KIF16B: variants seen among roughly 807,000 people sequenced by gnomAD.
The protein encoded by KIF16B is kinesin-like protein KIF16B.
Under a neutral mutation model 156.3 loss-of-function variants are expected in KIF16B, and 98 were observed. The ratio of observed to expected loss-of-function variants is 0.63; its 90% CI spans 0.53 to 0.74. KIF16B has a LOEUF of 0.74. Among genes scored for constraint, KIF16B ranks in the 30% least tolerant of loss-of-function variants. The pLI is 0.00. For synonymous variants in KIF16B, 564 were observed against 583.7 expected, an observed-to-expected ratio of 0.97 and a Z score of 0.49; for missense variants, 1,421 against 1,606.5, an observed-to-expected ratio of 0.88 and a Z score of 1.97.
At chr20:16,435,942 T>C (rs2066630642) in intron 12 of KIF16B, among the ~76,000 whole-genome samples, 1 of 152,218 alleles carries the variant, frequency 6.6e-6, no homozygotes, top group African/African-American at 2.4e-5. Context: ...TGAATTCATG[T>C]TTCTCATTCA....
intron 1 of KIF16B, among the ~76,000 whole-genome samples, chr20:16,572,823 T>C (rs1366991562): frequency 6.6e-6 from 1 of 152,192 alleles, no homozygotes; most frequent in Non-Finnish European, 1.5e-5. Flanking sequence ...AAAAGTAGCA[T>C]GGTTAATTGT....
At chr20:16,367,002 A>G (rs2123251044) in intron 22 of KIF16B, 1 of 1,321,710 alleles carries the variant, frequency 7.6e-7, no homozygotes, top group African/African-American at 1.5e-5. Context: ...AAATATTTAC[A>G]TTTTCAATTT....
chr20:16,516,866 C>T (rs986433672), intron 3 of KIF16B, among the ~76,000 whole-genome samples: 4 of 152,182 alleles, frequency 2.6e-5, no homozygotes, highest in African/African-American at 9.7e-5. Flanking sequence ...AATCCATATT[C>T]TTCTAAACTC....
In KIF16B at chr20:16,571,162, C is replaced by T. The variant is rs895719078; in HGVS notation, c.47+2067G>A. 3.3e-5 allele frequency among the ~76,000 whole-genome samples: 5 copies of T among 152,134 alleles called. No individual in the cohort carries two copies. The East Asian group carries it at 7.7e-4, about 23-fold the overall frequency. On this transcript the variant is annotated intron_variant, in intron 1 of 25. Transcript: ENST00000354981. ...GTCCACCTTCCTCAAACCTGTTCAC[C>T]TCCTTCAGCATCAAACCTCAGTTAA... is the stretch of plus-strand genomic sequence containing the variant.
chr20:16,462,268 T>A (rs758415004), intron 12 of KIF16B, among the ~76,000 whole-genome samples: 1 of 151,986 alleles, frequency 6.6e-6, no homozygotes, highest in Non-Finnish European at 1.5e-5. Flanking sequence ...GATCTTCAAC[T>A]TCCATATGTA....
intron 1 of KIF16B, among the ~76,000 whole-genome samples, chr20:16,544,157 AC>A (rs768535222): frequency 8.8e-4 from 133 of 151,938 alleles, no homozygotes; most frequent in Admixed American, 4.8e-3. Context: ...CCACCACACG[AC>A]CCAGAGGCAC....
intron 1 of KIF16B, among the ~76,000 whole-genome samples, chr20:16,541,635 C>T (rs1023393762): frequency 1.3e-5 from 2 of 152,174 alleles, no homozygotes; most frequent in African/African-American, 2.4e-5. Flanking sequence ...CCAACTCTTA[C>T]GGTTTACAGG....
chr20:16,319,122 G>A (rs2122771580), intron 24 of KIF16B, among the ~76,000 whole-genome samples: 1 of 152,296 alleles, frequency 6.6e-6, no homozygotes, highest in Admixed American at 6.5e-5. Context: ...ACAGTGAAGA[G>A]GGGCCTATGG....
At chr20:16,347,406 A>C (rs1428329501) in intron 23 of KIF16B, among the ~76,000 whole-genome samples, 1 of 152,194 alleles carries the variant, frequency 6.6e-6, no homozygotes, top group Non-Finnish European at 1.5e-5. Flanking sequence ...TGAAGGCATG[A>C]CCATAAAATA....
chr20:16,328,385 G>C (rs1008592907), intron 24 of KIF16B, among the ~76,000 whole-genome samples: 2 of 152,190 alleles, frequency 1.3e-5, no homozygotes, highest in Non-Finnish European at 2.9e-5. Context: ...ATGAAGACAA[G>C]CAACATGAAC....
chr20:16,398,289 G>C (rs997542718), intron 17 of KIF16B, among the ~76,000 whole-genome samples: 2 of 152,204 alleles, frequency 1.3e-5, no homozygotes, highest in Non-Finnish European at 2.9e-5. Context: ...TCCGAGTGGA[G>C]AGTGACTGAA....
At chr20:16,485,659 C>G (rs1188793324) in intron 12 of KIF16B, among the ~76,000 whole-genome samples, 1 of 152,196 alleles carries the variant, frequency 6.6e-6, no homozygotes, top group Non-Finnish European at 1.5e-5. Flanking sequence ...AATGTACAGC[C>G]ACACTGGGCC....
intron 23 of KIF16B, among the ~76,000 whole-genome samples, chr20:16,354,173 T>C (rs2064391583): frequency 6.6e-6 from 1 of 152,246 alleles, no homozygotes; most frequent in African/African-American, 2.4e-5. Context: ...GTAATTTTTA[T>C]TTAAATCAAT....
intron 1 of KIF16B, among the ~76,000 whole-genome samples, chr20:16,534,934 G>A (rs1490518709): frequency 2.0e-5 from 3 of 152,096 alleles, no homozygotes; most frequent in Non-Finnish European, 2.9e-5. Flanking sequence ...CAGGTAGTAT[G>A]ATGCCTTCAG....
At chr20:16,461,833 C>G (rs575118193) in intron 12 of KIF16B, among the ~76,000 whole-genome samples, 1 of 152,290 alleles carries the variant, frequency 6.6e-6, no homozygotes, top group Admixed American at 6.5e-5. Flanking sequence ...TAGTGATTCT[C>G]AAGTAACTAA....
At chr20:16,307,261 T>C (rs1410099319) in intron 25 of KIF16B, among the ~76,000 whole-genome samples, 1 of 152,196 alleles carries the variant, frequency 6.6e-6, no homozygotes, top group East Asian at 1.9e-4. Flanking sequence ...AAATGATTAG[T>C]AGAAATATTT....
At chr20:16,377,375 C>T (rs1490594616) in intron 19 of KIF16B, among the ~76,000 whole-genome samples, 1 of 151,324 alleles carries the variant, frequency 6.6e-6, no homozygotes, top group Non-Finnish European at 1.5e-5. Context: ...GACTGGGCAA[C>T]ACAGGGAAAC....
At chr20:16,392,125 T>C (rs1316901420) in intron 17 of KIF16B, among the ~76,000 whole-genome samples, 2 of 152,154 alleles carry the variant, frequency 1.3e-5, no homozygotes, top group Non-Finnish European at 2.9e-5. Context: ...ACACCATGAC[T>C]CCTTTATTTT....
At chr20:16,531,684 A>G (rs1007676499) in intron 1 of KIF16B, among the ~76,000 whole-genome samples, 3 of 152,206 alleles carry the variant, frequency 2.0e-5, no homozygotes, top group African/African-American at 7.2e-5. Flanking sequence ...AGGGTAAATG[A>G]CTCAGCATAT....
Sources: gnomAD v4.1 joint callset for allele counts (sites outside exome capture counted in the v4.1 genomes callset) on GRCh38, gnomAD v4.1.1 for gene constraint, MANE v1.5 for transcripts, NCBI Gene and HGNC (gene_info 2026-07-23, HGNC 2026-07-21) for gene names.